PPARGC1A: variants seen among roughly 807,000 people sequenced by gnomAD.
PPARGC1A encodes peroxisome proliferator-activated receptor gamma coactivator 1-alpha.
A neutral mutation model predicts 88.7 loss-of-function variants in PPARGC1A; 25 were observed. That is an observed-to-expected ratio of 0.28 (90% CI 0.21 to 0.39). The LOEUF (loss-of-function observed/expected upper bound fraction) is 0.39. PPARGC1A is among the 10% of genes least tolerant of loss of function. The probability of loss-of-function intolerance (pLI) is 1.00; values close to 1 mark genes in which losing one functional copy is unlikely to be tolerated. For synonymous variants in PPARGC1A, 363 were observed against 355.6 expected (o/e 1.02, Z -0.24); for missense variants, 880 against 968.7 (o/e 0.91, Z 1.22).
At chr4:24,273,672 C>G in the PPARGC1A span, among the ~76,000 whole-genome samples, 90 of 151,726 alleles carry the variant, frequency 5.9e-4, no homozygotes, top group Non-Finnish European at 1.0e-3. Flanking sequence ...AAGGCACCTT[C>G]CAATAGTGTT....
chr4:24,345,666 C>T, the PPARGC1A span, among the ~76,000 whole-genome samples: 1 of 152,082 alleles, frequency 6.6e-6, no homozygotes, highest in Non-Finnish European at 1.5e-5. Flanking sequence ...TTTATTAGTT[C>T]TAGGAGCTTT....
the PPARGC1A span, among the ~76,000 whole-genome samples, chr4:23,932,997 G>A: frequency 8.5e-5 from 13 of 152,326 alleles, no homozygotes; most frequent in East Asian, 2.3e-3. Context: ...TTCCCGACAA[G>A]TGGTGACTCT....
At chr4:24,248,957 G>A in the PPARGC1A span, among the ~76,000 whole-genome samples, 1 of 152,060 alleles carries the variant, frequency 6.6e-6, no homozygotes, top group Non-Finnish European at 1.5e-5. Context: ...CAGAGCAAAG[G>A]GTCGGGAGGC....
At chr4:24,177,615 ATAAT>A in the PPARGC1A span, among the ~76,000 whole-genome samples, 21 of 86,032 alleles carry the variant, frequency 2.4e-4, no homozygotes, top group Admixed American at 2.2e-3. Context: ...AACTTCAAGT[ATAAT>A]TAAATAAATA....
chr4:24,105,941 T>C, the PPARGC1A span, among the ~76,000 whole-genome samples: 6 of 152,052 alleles, frequency 3.9e-5, no homozygotes, highest in South Asian at 1.2e-3. Context: ...TTTTGGAGAG[T>C]GCTGCAATAA....
At chr4:24,113,665 G>C in the PPARGC1A span, among the ~76,000 whole-genome samples, 1 of 152,292 alleles carries the variant, frequency 6.6e-6, no homozygotes, top group East Asian at 1.9e-4. Context: ...TGGGAGAGGA[G>C]CTTCTCTTCT....
At chr4:24,277,340 AG>A in the PPARGC1A span, among the ~76,000 whole-genome samples, 2 of 152,102 alleles carry the variant, frequency 1.3e-5, no homozygotes, top group Non-Finnish European at 2.9e-5. Context: ...CTGACAGATG[AG>A]CCCCTTCTGG....
the PPARGC1A span, among the ~76,000 whole-genome samples, chr4:24,217,429 C>A: frequency 3.3e-5 from 5 of 152,116 alleles, no homozygotes; most frequent in South Asian, 1.0e-3. Flanking sequence ...GAGGCTACTG[C>A]CGTTGTTCGG....
chr4:24,021,299 C>T, the PPARGC1A span, among the ~76,000 whole-genome samples: 770 of 152,316 alleles, frequency 5.1e-3, 4 homozygotes, highest in African/African-American at 0.017. Context: ...GACAGGCTTA[C>T]GCTGGGTAGT....
At chr4:23,873,046 T>C (rs1458389258) in intron 2 of PPARGC1A, among the ~76,000 whole-genome samples, 1 of 151,172 alleles carries the variant, frequency 6.6e-6, no homozygotes, top group African/African-American at 2.4e-5. Context: ...AAAAAAAAAT[T>C]AGCCAGTCAT....
At chr4:24,116,099 C>G in the PPARGC1A span, among the ~76,000 whole-genome samples, 11 of 152,164 alleles carry the variant, frequency 7.2e-5, no homozygotes, top group Non-Finnish European at 7.4e-5. Context: ...TTTAAATATC[C>G]TAAGCAAGTC....
At chr4:23,828,320 T>C (rs1019098769) in intron 5 of PPARGC1A, 80 bp downstream of exon 5, 154 of 1,390,458 alleles carry the variant, frequency 1.1e-4, no homozygotes, top group Non-Finnish European at 1.4e-4. Flanking sequence ...AAGCAAGAAG[T>C]TGGTGTGTTC....
intron 7 of PPARGC1A, among the ~76,000 whole-genome samples, chr4:23,818,268 A>T (rs1486330674): frequency 6.6e-6 from 1 of 152,198 alleles, no homozygotes; most frequent in Non-Finnish European, 1.5e-5. Context: ...GTGAGGACAG[A>T]TGGCCATTAC....
chr4:24,049,308 G>GTGTATATATATATA, the PPARGC1A span, among the ~76,000 whole-genome samples: 20,333 of 139,196 alleles, frequency 0.15, 1,944 homozygotes, highest in Non-Finnish European at 0.21. Context: ...ATATATGTGT[G>GTGTATATATATATA]TATATATATA....
the PPARGC1A span, among the ~76,000 whole-genome samples, chr4:24,083,634 A>G: frequency 5.9e-5 from 9 of 152,088 alleles, no homozygotes; most frequent in South Asian, 2.1e-4. Flanking sequence ...CTCTAAGCCA[A>G]TGATATGTGA....
At chr4:24,449,298 CTT>C in the PPARGC1A span, among the ~76,000 whole-genome samples, 11 of 152,208 alleles carry the variant, frequency 7.2e-5, no homozygotes, top group African/African-American at 2.7e-4. Flanking sequence ...CCATTAAACT[CTT>C]TCTCTGATGC....
chr4:24,442,953 C>T, the PPARGC1A span, among the ~76,000 whole-genome samples: 5 of 152,126 alleles, frequency 3.3e-5, no homozygotes, highest in Non-Finnish European at 7.4e-5. Context: ...CTCTTAGGGA[C>T]GCAAAGACAA....
chr4:24,166,092 A>G, the PPARGC1A span, among the ~76,000 whole-genome samples: 1 of 152,210 alleles, frequency 6.6e-6, no homozygotes, highest in Non-Finnish European at 1.5e-5. Flanking sequence ...ATGACAAGAA[A>G]GCAAAACAGC....
chr4:23,898,122 T>C (rs900697159), intron 1 of PPARGC1A, among the ~76,000 whole-genome samples: 1 of 152,176 alleles, frequency 6.6e-6, no homozygotes, highest in Non-Finnish European at 1.5e-5. Context: ...CCTCCTTAAA[T>C]AAAAAGCTCA....
Sources: gnomAD v4.1 joint callset for allele counts (sites outside exome capture counted in the v4.1 genomes callset) on GRCh38, gnomAD v4.1.1 for gene constraint, MANE v1.5 for transcripts, NCBI Gene and HGNC (gene_info 2026-07-23, HGNC 2026-07-21) for gene names.